The following CR1 variants were observed in gnomAD, a reference collection of about 807,000 sequenced individuals.
CR1 encodes complement C3b/C4b receptor 1 (Knops blood group).
A neutral mutation model predicts 187.3 loss-of-function variants in CR1; 116 were observed. The observed-to-expected ratio is 0.62, with a 90% CI of 0.53 to 0.72. The LOEUF (loss-of-function observed/expected upper bound fraction) is 0.72, where lower values mean the gene tolerates loss of function less well. Ranked by LOEUF, CR1 falls within the 30% of genes least tolerant of loss-of-function variation. CR1 has a pLI of 0.00. For missense variants in CR1, 1,731 were observed against 2,110.7 expected, an observed-to-expected ratio of 0.82 and a Z score of 3.52; for synonymous variants, 576 against 747.1, an observed-to-expected ratio of 0.77 and a Z score of 3.73.
Position 207,572,871 on chromosome 1 carries a change from A to G in CR1, c.4452-2724A>G, listed in dbSNP as rs1040146474. 1.2e-4 allele frequency among the ~76,000 whole-genome samples: 18 copies of G among 149,510 alleles called. 2 individuals carry two copies. The highest frequency in any genetic ancestry group is 4.2e-4 in the African/African-American group (17 of 40,456). On this transcript the variant is annotated intron_variant, in intron 27 of 46. Transcript: ENST00000367049. ...AACTCCAATTTCTGTCTCTGTCCTC[A>G]TATGGCCATCTTCCCTCTGGGTCTG...
chr1:207,607,726 CT>C (rs1222092410), intron 36 of CR1, among the ~76,000 whole-genome samples: 1 of 152,164 alleles, frequency 6.6e-6, no homozygotes, highest in African/African-American at 2.4e-5. Context: ...ATAAAAAGAA[CT>C]CTTCTTCCAG....
intron 4 of CR1, among the ~76,000 whole-genome samples, chr1:207,512,042 G>A (rs1328283814): frequency 3.9e-5 from 6 of 152,108 alleles, no homozygotes; most frequent in Non-Finnish European, 5.9e-5. Flanking sequence ...CATGTACCAC[G>A]AGATCAACAC....
At chr1:207,576,469 T>C (rs1156341315) in intron 28 of CR1, among the ~76,000 whole-genome samples, 1 of 152,214 alleles carries the variant, frequency 6.6e-6, no homozygotes, top group African/African-American at 2.4e-5. Flanking sequence ...TATTGTATAT[T>C]TGTGCTTTGT....
intron 37 of CR1, among the ~76,000 whole-genome samples, chr1:207,610,403 G>T (rs1293853757): frequency 3.3e-5 from 5 of 152,180 alleles, no homozygotes; most frequent in African/African-American, 9.7e-5. Context: ...TACAATCATA[G>T]TTCACTGAAG....
rs768057364 is a variant in CR1 at position 207,587,384 on chromosome 1, A to G, written c.5531-2A>G. 119 of 1,609,232 alleles carry G rather than the reference A, an allele frequency of 7.4e-5. No individual in the cohort carries two copies. The South Asian group carries it at 1.3e-3, about 17-fold the overall frequency. Reference sequence around the variant, plus strand: ...TGATATTCCTGTGGTTTTTCTCTCCAGGTCACTGTAAAACCCCAGAGCAGT... The same window carrying G: ...TGATATTCCTGTGGTTTTTCTCTCCGGGTCACTGTAAAACCCCAGAGCAGT... On this transcript the variant is annotated splice_acceptor_variant, in intron 33 of 46. Transcript: ENST00000367049. LOFTEE classifies it high-confidence loss of function.
intron 35 of CR1, among the ~76,000 whole-genome samples, chr1:207,594,990 A>G (rs1003259192): frequency 3.9e-5 from 6 of 152,206 alleles, no homozygotes; most frequent in East Asian, 1.9e-4. Context: ...AAAATCTCTC[A>G]TATGTGTTTG....
rs563104312 is a variant in CR1, at chr1:207,506,781, C to T, written c.369C>T (p.Phe123=). ...GMVHVIKGIQ[F]GSQIKYSCTK... Reference sequence around the variant, plus strand: ...TGCATGTGATCAAAGGCATCCAGTTCGGATCCCAAATTAAATATTCTTGTA... The same window carrying T: ...TGCATGTGATCAAAGGCATCCAGTTTGGATCCCAAATTAAATATTCTTGTA... Residue 123 remains phenylalanine, a synonymous_variant, in exon 3 of 47, where the codon TTC becomes TTT. Coordinates refer to ENST00000367049, the MANE Select transcript of CR1 (RefSeq NM_000651.6). 4.5e-5 allele frequency: 73 copies of T among 1,613,502 alleles called. No individual in the cohort carries two copies. The highest frequency in any genetic ancestry group is 2.7e-4 in the African/African-American group (20 of 74,994).
chr1:207,521,015 C>T (rs1365697691), intron 4 of CR1, among the ~76,000 whole-genome samples: 1 of 126,546 alleles, frequency 7.9e-6, no homozygotes, highest in Admixed American at 8.6e-5. Flanking sequence ...ACTCTTATCA[C>T]CTGGGCTGGA....
At chr1:207,630,342 G>T (rs1156570166) in intron 45 of CR1, among the ~76,000 whole-genome samples, 175 bp from the exon 46 acceptor site, 1 of 152,132 alleles carries the variant, frequency 6.6e-6, no homozygotes. Context: ...CTAAGTTTTT[G>T]CTTAGTATTA....
intron 29 of CR1, 114 bp downstream of exon 29, chr1:207,578,317 A>C: frequency 1.3e-6 from 2 of 1,582,748 alleles, no homozygotes; most frequent in Non-Finnish European, 1.7e-6. Context: ...TGGGAAAGTA[A>C]GTTTTGGGGG....
intron 4 of CR1, 34 bp from the exon 5 acceptor site, chr1:207,523,577 T>G (rs1415420050): frequency 1.2e-6 from 2 of 1,612,742 alleles, no homozygotes; most frequent in Non-Finnish European, 1.7e-6. Flanking sequence ...TTATTTAAAC[T>G]GACTGTTATT....
At chr1:207,498,301 A>G (rs961629783) in intron 1 of CR1, among the ~76,000 whole-genome samples, 1 of 152,256 alleles carries the variant, frequency 6.6e-6, no homozygotes, top group African/African-American at 2.4e-5. Flanking sequence ...TCCTATGATC[A>G]GGAAAGGATG....
intron 34 of CR1, 114 bp downstream of exon 34, chr1:207,587,679 G>A (rs1295773648): frequency 1.2e-5 from 12 of 1,041,692 alleles, no homozygotes; most frequent in South Asian, 1.9e-5. Context: ...CTGGCAGATA[G>A]CTTGAACTCA....
chr1:207,511,576 C>G lies in CR1; in HGVS notation c.409C>G (p.Leu137Val). The change falls in exon 4 of 47, where the codon CTC (leucine) becomes GTC (valine). Residue 137 changes from leucine to valine, a missense_variant. Transcript: ENST00000367049. ...IKYSCTKGYR[L>V]IGSSSATCII... ...CTTATTTTTTGCCTCTAGATACCGA[C>G]TCATTGGTTCCTCGTCTGCCACATG... is the stretch of plus-strand genomic sequence containing the variant. The G allele has an allele frequency of 6.2e-7, 1 of 1,613,278 alleles. No homozygotes were observed. Among genetic ancestry groups the G allele is most frequent in the Non-Finnish European group, 8.5e-7 (1 of 1,179,442 alleles).
chr1:207,628,836 C>A (rs1374618258), intron 45 of CR1, among the ~76,000 whole-genome samples: 1 of 151,980 alleles, frequency 6.6e-6, no homozygotes, highest in Non-Finnish European at 1.5e-5. Flanking sequence ...TCTAGAGAAC[C>A]GTATGCAATC....
chr1:207,635,347 GAGA>G (rs1345851108), intron 46 of CR1, among the ~76,000 whole-genome samples: 4 of 152,166 alleles, frequency 2.6e-5, no homozygotes, highest in Non-Finnish European at 1.5e-5. Context: ...TAATAGTGGA[GAGA>G]AGTTCAGCAG....
rs1269665261 is a variant in CR1 at position 207,502,032 on chromosome 1, G to T, written c.122-3872G>T. On this transcript the variant is annotated intron_variant, in intron 1 of 46. Coordinates refer to ENST00000367049, the MANE Select transcript of CR1 (RefSeq NM_000651.6). Reference sequence around the variant, plus strand: ...TAGACCCACTAAATCAGAGATTTGGGGGACATAGCTTGGATTCTTGATTTT... The same window carrying T: ...TAGACCCACTAAATCAGAGATTTGGTGGACATAGCTTGGATTCTTGATTTT... Among the ~76,000 whole-genome samples the T allele has an allele frequency of 2.0e-5, 3 of 151,918 alleles. No individual in the cohort carries two copies. The East Asian group carries it at 5.8e-4, about 29-fold the overall frequency.
At position 207,577,824 on chromosome 1, in the gene CR1, C is replaced by T. The variant is rs751191666; in HGVS notation, c.4557C>T (p.Pro1519=). Residue 1519 remains proline, a synonymous_variant, in exon 29 of 47, where the codon CCC becomes CCT. Coordinates refer to ENST00000367049, the MANE Select transcript of CR1 (RefSeq NM_000651.6). ...TTCCAGGAATTCCTTGTGGGCTACCCCCAACCATCGCCAATGGAGATTTCA... is the reference window on the plus strand; with the variant it reads ...TTCCAGGAATTCCTTGTGGGCTACCTCCAACCATCGCCAATGGAGATTTCA... ...PICQRIPCGL[P]PTIANGDFIS... 3.7e-6 allele frequency: 6 copies of T among 1,613,888 alleles called. No homozygotes were observed. Among genetic ancestry groups the T allele is most frequent in the Non-Finnish European group, 5.1e-6 (6 of 1,179,872 alleles).
chr1:207,604,924 G>A (rs143942545), intron 35 of CR1, among the ~76,000 whole-genome samples: 1 of 152,242 alleles, frequency 6.6e-6, no homozygotes, highest in East Asian at 1.9e-4. Flanking sequence ...GTAAGTTTCA[G>A]AGATCTATTC....
Sources: gnomAD v4.1 joint callset for allele counts (sites outside exome capture counted in the v4.1 genomes callset) on GRCh38, gnomAD v4.1.1 for gene constraint, MANE v1.5 for transcripts, NCBI Gene and HGNC (gene_info 2026-07-23, HGNC 2026-07-21) for gene names.